MRC1: variants seen among roughly 807,000 people sequenced by gnomAD.
The protein encoded by MRC1 is macrophage mannose receptor 1.
MRC1 carries 62 observed loss-of-function variants against 102.9 expected under a neutral mutation model. The ratio of observed to expected loss-of-function variants is 0.60; its 90% CI spans 0.49 to 0.74. The LOEUF (loss-of-function observed/expected upper bound fraction) is 0.74. Ranked by LOEUF, MRC1 falls within the 30% of genes least tolerant of loss-of-function variation. The pLI is 0.00. For missense variants in MRC1, 1,237 were observed against 862.8 expected, an observed-to-expected ratio of 1.43 and a Z score of -5.43; for synonymous variants, 457 against 298.4, an observed-to-expected ratio of 1.53 and a Z score of -5.48.
chr10:17,886,960 G>GCAA (rs1833606310), intron 22 of MRC1, among the ~76,000 whole-genome samples: 1 of 151,972 alleles, frequency 6.6e-6, no homozygotes, highest in Non-Finnish European at 1.5e-5. Flanking sequence ...TGTCGAATAA[G>GCAA]CAACAACAAC....
At chr10:17,815,159 T>G (rs964413856) in intron 1 of MRC1, among the ~76,000 whole-genome samples, 6 of 152,144 alleles carry the variant, frequency 3.9e-5, no homozygotes, top group African/African-American at 1.4e-4. Flanking sequence ...CTCACGACAA[T>G]GAGGAGGTCC....
In MRC1 at chr10:17,866,725, T is replaced by C. The variant is rs1322724528; in HGVS notation, c.1947T>C (p.Asp649=). 7 of 780,758 alleles carry C rather than the reference T, an allele frequency of 9.0e-6. No individual in the cohort carries two copies. The highest frequency in any genetic ancestry group is 6.8e-5 in the Admixed American group (4 of 59,026). The allele number at this position is 780,758 out of a possible 1,614,324, so 48.4% of individuals were successfully genotyped here. The change falls in exon 12 of 30, where the codon GAT becomes GAC. Residue 649 remains aspartate, a synonymous_variant. Transcript: ENST00000569591. Reference sequence around the variant, plus strand: ...CTCCCGAACCCAAATGTCCGGAGGATTGGGGCGCCAGCAGTAGAACAAGCT... The same window carrying C: ...CTCCCGAACCCAAATGTCCGGAGGACTGGGGCGCCAGCAGTAGAACAAGCT... ...TTTPEPKCPE[D]WGASSRTSLC...
At chr10:17,838,880 G>A (rs2130622416) in intron 4 of MRC1, among the ~76,000 whole-genome samples, 1 of 152,286 alleles carries the variant, frequency 6.6e-6, no homozygotes, top group African/African-American at 2.4e-5. Context: ...ATGTGGAATT[G>A]TTGCTTTGTG....
intron 1 of MRC1, among the ~76,000 whole-genome samples, chr10:17,812,248 T>C (rs1314609756): frequency 6.6e-6 from 1 of 152,150 alleles, no homozygotes; most frequent in African/African-American, 2.4e-5. Flanking sequence ...CCGCACTATC[T>C]TTTTAGCACT....
At chr10:17,900,289 C>G (rs1197279871) in intron 24 of MRC1, among the ~76,000 whole-genome samples, 24 of 152,028 alleles carry the variant, frequency 1.6e-4, no homozygotes, top group Admixed American at 1.4e-3. Flanking sequence ...TTCCATACCT[C>G]TCTTCCATGA....
chr10:17,874,390 C>T (rs1833397360), intron 16 of MRC1, among the ~76,000 whole-genome samples: 1 of 152,176 alleles, frequency 6.6e-6, no homozygotes, highest in Non-Finnish European at 1.5e-5. Flanking sequence ...GTAGTCAAAT[C>T]TCCCTCCGCC....
chr10:17,900,703 T>A (rs1833817723), intron 24 of MRC1, 85 bp from the exon 25 acceptor site: 1 of 778,802 alleles, frequency 1.3e-6, no homozygotes, highest in African/African-American at 1.7e-5. Context: ...TGGTCTTAAA[T>A]ATACTTTGTA....
chr10:17,829,962 AT>A (rs1838544428), intron 3 of MRC1, among the ~76,000 whole-genome samples: 1 of 151,306 alleles, frequency 6.6e-6, no homozygotes, highest in Admixed American at 6.6e-5. Context: ...CAAATTATAT[AT>A]TTTTTCCTGT....
At position 17,870,722 on chromosome 10, in the gene MRC1, A is replaced by G. The variant is rs1351837760; in HGVS notation, c.2112-126A>G. ...CATAAGTCTTCTATTTAGCTGTTAA[A>G]TCTCTTTACTTGTGTACTATTAATT... On this transcript the variant is annotated intron_variant, in intron 13 of 29. Coordinates refer to ENST00000569591, the MANE Select transcript of MRC1 (RefSeq NM_002438.4). 5 of 776,950 alleles carry G rather than the reference A, an allele frequency of 6.4e-6. No homozygotes were observed. In the Admixed American group the frequency reaches 7.0e-5, roughly 11 times the overall value. 48.1% of individuals were successfully genotyped at this position (776,950 alleles called of 1,614,324 possible). A position where few individuals can be genotyped will look rare whatever the true frequency, so the allele number is the denominator to read the frequency against.
At chr10:17,849,872 TC>T in intron 7 of MRC1, 108 bp downstream of exon 7, 1 of 624,638 alleles carries the variant, frequency 1.6e-6, no homozygotes, top group Non-Finnish European at 2.9e-6. Context: ...TCAATGTAAA[TC>T]AATAATTCAA....
chr10:17,825,179 G>A (rs1384625225), intron 2 of MRC1, among the ~76,000 whole-genome samples: 2 of 152,266 alleles, frequency 1.3e-5, no homozygotes, highest in East Asian at 1.9e-4. Flanking sequence ...AGACAGTGTC[G>A]AGAGGATGTA....
chr10:17,845,469 TA>T (rs1554840156), intron 6 of MRC1, 34 bp downstream of exon 6: 1 of 780,078 alleles, frequency 1.3e-6, no homozygotes, highest in East Asian at 2.4e-5. Flanking sequence ...GTGCCTCAAC[TA>T]TTAGAATTGA....
Position 17,909,338 on chromosome 10 carries a change from A to G in MRC1, c.4111A>G (p.Thr1371Ala), listed in dbSNP as rs1212641843. 2 of 871,684 alleles carry G rather than the reference A, an allele frequency of 2.3e-6. No individual in the cohort carries two copies. Among genetic ancestry groups the G allele is most frequent in the African/African-American group, 3.3e-5 (2 of 61,186 alleles). 54.0% of individuals were successfully genotyped at this position (871,684 alleles called of 1,614,324 possible). The change falls in exon 29 of 30, where the codon ACA becomes GCA. Residue 1371 changes from threonine (T) to alanine (A), a missense_variant. Transcript: ENST00000569591. ...IDAKPTHELL[T>A]TKADTRKMDP... ...TGCTAAACCTACTCATGAATTACTT[A>G]CAACAAAAGGTAAGGCCATTGCAAA... is the stretch of plus-strand genomic sequence containing the variant.
intron 1 of MRC1, among the ~76,000 whole-genome samples, chr10:17,822,263 T>G (rs1050174680): frequency 3.7e-4 from 56 of 152,364 alleles, no homozygotes; most frequent in African/African-American, 1.3e-3. Context: ...TTTTCCTTTA[T>G]TGCAAACTTC....
At chr10:17,845,637 G>C (rs1286368579) in intron 6 of MRC1, among the ~76,000 whole-genome samples, 1 of 152,242 alleles carries the variant, frequency 6.6e-6, no homozygotes, top group South Asian at 2.1e-4. Context: ...GCATTGTGGA[G>C]ATCCTCTGAC....
At chr10:17,844,333 C>G (rs1838793977) in intron 5 of MRC1, among the ~76,000 whole-genome samples, 1 of 152,104 alleles carries the variant, frequency 6.6e-6, no homozygotes, top group African/African-American at 2.4e-5. Flanking sequence ...ATTCTCCTGC[C>G]TCAGCCTCCC....
At chr10:17,879,509 A>G (rs1213642574) in intron 18 of MRC1, among the ~76,000 whole-genome samples, 1 of 151,974 alleles carries the variant, frequency 6.6e-6, no homozygotes, top group Non-Finnish European at 1.5e-5. Flanking sequence ...GCCCACAACC[A>G]TGCCTGGCTA....
intron 4 of MRC1, among the ~76,000 whole-genome samples, chr10:17,835,858 A>G (rs1838654694): frequency 6.6e-6 from 1 of 152,212 alleles, no homozygotes; most frequent in African/African-American, 2.4e-5. Flanking sequence ...GGTGTGACAC[A>G]GGGCACAAGA....
chr10:17,833,407 G>C (rs1400486094), intron 3 of MRC1, among the ~76,000 whole-genome samples: 1 of 151,516 alleles, frequency 6.6e-6, no homozygotes, highest in Non-Finnish European at 1.5e-5. Context: ...TGGAGTCCCA[G>C]CTACTCGGTA....
Sources: allele counts gnomAD v4.1 joint callset (sites outside exome capture counted in the v4.1 genomes callset), GRCh38; gene constraint gnomAD v4.1.1; transcripts MANE v1.5; gene names NCBI Gene and HGNC (gene_info 2026-07-23, HGNC 2026-07-21).